Variants in MAOB observed in about 807,000 individuals in gnomAD.
MAOB encodes the protein amine oxidase [flavin-containing] B.
In MAOB, 15 loss-of-function variants were observed where a neutral mutation model predicts 41.9. The observed-to-expected ratio is 0.36, with a 90% CI of 0.24 to 0.55. The LOEUF (loss-of-function observed/expected upper bound fraction) is 0.55. Among genes scored for constraint, MAOB ranks in the 20% least tolerant of loss-of-function variants. The probability of loss-of-function intolerance (pLI) is 0.86; values close to 1 mark genes in which losing one functional copy is unlikely to be tolerated. For missense variants in MAOB, 345 were observed against 398.7 expected (o/e 0.87, Z 1.15); for synonymous variants, 167 against 144.2 (o/e 1.16, Z -1.13).
chrX:43,833,211 A>C (rs73473862), intron 3 of MAOB, among the ~76,000 whole-genome samples: 1,256 of 110,845 alleles, frequency 0.011, 22 homozygotes, highest in African/African-American at 0.039. Flanking sequence ...TTCACAACTA[A>C]ATAACTTATA....
chrX:43,847,747 AT>A (rs1454926218), intron 1 of MAOB, among the ~76,000 whole-genome samples: 1 of 112,491 alleles, frequency 8.9e-6, no homozygotes, highest in Admixed American at 9.4e-5. Context: ...TTTGCAAACA[AT>A]TTAGGAGCAA....
intron 1 of MAOB, among the ~76,000 whole-genome samples, chrX:43,864,131 T>A (rs2035350518): frequency 9.0e-6 from 1 of 111,644 alleles, no homozygotes; most frequent in Admixed American, 9.6e-5. Context: ...GGAGAATACT[T>A]ACTACATGTT....
chrX:43,801,262 A>T (rs894337507), intron 5 of MAOB, among the ~76,000 whole-genome samples: 1 of 110,527 alleles, frequency 9.0e-6, no homozygotes, highest in African/African-American at 3.3e-5. Flanking sequence ...AAATTATTAG[A>T]AGCTGAATTT....
intron 1 of MAOB, among the ~76,000 whole-genome samples, chrX:43,855,341 T>C (rs2147173056): frequency 9.0e-6 from 1 of 111,460 alleles, no homozygotes; most frequent in African/African-American, 3.3e-5. Flanking sequence ...ATCCTAACAG[T>C]GTATAGACTT....
At chrX:43,807,482 A>T (rs772987975) in intron 3 of MAOB, among the ~76,000 whole-genome samples, 3 of 112,349 alleles carry the variant, frequency 2.7e-5, no homozygotes, top group Non-Finnish European at 5.6e-5. Context: ...CACCAGTTTC[A>T]TGCATTTACT....
intron 1 of MAOB, among the ~76,000 whole-genome samples, chrX:43,877,446 G>A (rs144718959): frequency 0.022 from 2,450 of 110,994 alleles, 36 homozygotes; most frequent in Admixed American, 0.036. Flanking sequence ...GAATCAAGCA[G>A]AAAGAACAAG....
chrX:43,784,815 T>A (rs1291393742), intron 8 of MAOB, among the ~76,000 whole-genome samples: 1 of 112,219 alleles, frequency 8.9e-6, no homozygotes, highest in African/African-American at 3.2e-5. Flanking sequence ...CTAGATGGCA[T>A]TTTCTTCCAA....
At chrX:43,847,187 T>C (rs2035212015) in intron 1 of MAOB, among the ~76,000 whole-genome samples, 1 of 110,252 alleles carries the variant, frequency 9.1e-6, no homozygotes, top group Non-Finnish European at 1.9e-5. Flanking sequence ...CTACTAAAAA[T>C]ACGAAAATTA....
rs770662929 is a variant in MAOB, at chrX:43,772,414, T to C, written c.1235+2761A>G. Among the ~76,000 whole-genome samples, 98 of 111,940 alleles carry C rather than the reference T, an allele frequency of 8.8e-4. 1 individual carries two copies. Among genetic ancestry groups the C allele is most frequent in the African/African-American group, 2.9e-3 (89 of 30,829 alleles). On this transcript the variant is annotated intron_variant, in intron 12 of 14. Coordinates refer to ENST00000378069, the MANE Select transcript of MAOB (RefSeq NM_000898.5). Reference sequence around the variant, plus strand: ...GGCCAGTTCAGGTTAGTGTCCTCTTTGTTCCCCAAACCAAAAGGTATTTAT... The same window carrying C: ...GGCCAGTTCAGGTTAGTGTCCTCTTCGTTCCCCAAACCAAAAGGTATTTAT...
At chrX:43,814,046 A>T (rs1476367788) in intron 3 of MAOB, among the ~76,000 whole-genome samples, 2 of 109,536 alleles carry the variant, frequency 1.8e-5, no homozygotes, top group Non-Finnish European at 3.8e-5. Flanking sequence ...GAAAGAGGTG[A>T]GGGGGGAAAT....
At chrX:43,786,887 A>T (rs1283475338) in intron 8 of MAOB, among the ~76,000 whole-genome samples, 1 of 111,682 alleles carries the variant, frequency 9.0e-6, no homozygotes, top group East Asian at 2.8e-4. Context: ...ATGCCAGGAC[A>T]AGCTATGCAG....
At chrX:43,876,027 C>T (rs911331557) in intron 1 of MAOB, among the ~76,000 whole-genome samples, 4 of 111,471 alleles carry the variant, frequency 3.6e-5, no homozygotes, top group African/African-American at 1.3e-4. Flanking sequence ...GGCACAATCT[C>T]GGCTCACTGT....
intron 3 of MAOB, among the ~76,000 whole-genome samples, chrX:43,813,174 G>A (rs189552599): frequency 3.6e-5 from 4 of 112,161 alleles, no homozygotes; most frequent in African/African-American, 1.3e-4. Context: ...CAATGCTCTC[G>A]ATCATGAAGC....
chrX:43,786,448 T>G (rs1037687129), intron 8 of MAOB, among the ~76,000 whole-genome samples: 2 of 111,819 alleles, frequency 1.8e-5, no homozygotes, highest in Non-Finnish European at 3.8e-5. Flanking sequence ...CTCCCCACTG[T>G]GCACCTGTTA....
At chrX:43,802,829 T>C (rs2034613437) in intron 4 of MAOB, among the ~76,000 whole-genome samples, 1 of 110,226 alleles carries the variant, frequency 9.1e-6, no homozygotes, top group African/African-American at 3.3e-5. Flanking sequence ...ACCTAATGCA[T>C]GTGGGGCTTA....
intron 1 of MAOB, among the ~76,000 whole-genome samples, chrX:43,845,762 A>G (rs2035195385): frequency 8.9e-6 from 1 of 112,849 alleles, no homozygotes; most frequent in African/African-American, 3.2e-5. Flanking sequence ...ATAAGAATCC[A>G]TATAACATAA....
intron 1 of MAOB, among the ~76,000 whole-genome samples, chrX:43,861,943 A>C (rs2035335017): frequency 9.1e-6 from 1 of 110,282 alleles, no homozygotes; most frequent in African/African-American, 3.3e-5. Flanking sequence ...GGCATGGTCC[A>C]AAATTGTCAA....
intron 12 of MAOB, among the ~76,000 whole-genome samples, chrX:43,770,389 A>G (rs1408248406): frequency 1.8e-5 from 2 of 111,168 alleles, no homozygotes; most frequent in African/African-American, 6.6e-5. Context: ...TGCCAATCCT[A>G]AGGGCATGCC....
chrX:43,809,439 C>G (rs1235408012), intron 3 of MAOB, among the ~76,000 whole-genome samples: 1 of 112,456 alleles, frequency 8.9e-6, no homozygotes, highest in African/African-American at 3.2e-5. Flanking sequence ...TACCCTTTAA[C>G]CTCCTTGGTG....
Sources: gnomAD v4.1 joint callset for allele counts (sites outside exome capture counted in the v4.1 genomes callset) on GRCh38, gnomAD v4.1.1 for gene constraint, MANE v1.5 for transcripts, NCBI Gene and HGNC (gene_info 2026-07-23, HGNC 2026-07-21) for gene names.